Variants in SGCD observed in about 807,000 individuals in gnomAD.
The protein encoded by SGCD is sarcoglycan delta.
In SGCD, 18 loss-of-function variants were observed where a neutral mutation model predicts 36.6. The ratio of observed to expected loss-of-function variants is 0.49; its 90% CI spans 0.34 to 0.73. SGCD has a LOEUF of 0.73. Ranked by LOEUF, SGCD falls within the 30% of genes least tolerant of loss-of-function variation. The pLI is 0.01. For missense variants in SGCD, 387 were observed against 346.7 expected, an observed-to-expected ratio of 1.12 and a Z score of -0.92; for synonymous variants, 133 against 130.6, an observed-to-expected ratio of 1.02 and a Z score of -0.12.
chr5:156,525,728 C>G (rs1187778924), intron 4 of SGCD, among the ~76,000 whole-genome samples: 1 of 152,028 alleles, frequency 6.6e-6, no homozygotes, highest in Non-Finnish European at 1.5e-5. Context: ...ATGCTTAAGC[C>G]TTTAACCCAT....
chr5:156,326,607 G>C (rs935203178), upstream of SGCD: 1 of 152,198 alleles, frequency 6.6e-6, no homozygotes, highest in African/African-American at 2.4e-5. Context: ...TTTAGGAAGC[G>C]GCAGGTAGGG....
At chr5:156,610,031 T>G (rs1185442730) in intron 6 of SGCD, among the ~76,000 whole-genome samples, 1 of 152,362 alleles carries the variant, frequency 6.6e-6, no homozygotes, top group East Asian at 1.9e-4. Context: ...ATCTGAAGCC[T>G]TCTTCTCTCA....
intron 3 of SGCD, among the ~76,000 whole-genome samples, chr5:156,133,914 AACACACACACACACACACAC>A (rs70981997): frequency 7.1e-5 from 10 of 140,414 alleles, no homozygotes; most frequent in South Asian, 2.4e-4. Flanking sequence ...GCCGGGTTAA[AACACACACACACACACACAC>A]ACACACACAC....
intron 4 of SGCD, among the ~76,000 whole-genome samples, chr5:156,583,733 A>C (rs770024240): frequency 9.2e-5 from 14 of 152,234 alleles, no homozygotes; most frequent in Admixed American, 6.5e-5. Context: ...CAAAGATAAT[A>C]TGACATTGGT....
At position 156,594,982 on chromosome 5, in the gene SGCD, T is replaced by A; in HGVS notation, c.433T>A (p.Ser145Thr). ...TAAAAAATTTGAGGTAAAAACTGTT[T>A]CTGGAAAATTGCTCTTCTCTGCAGA... ...YGKKFEVKTV[S>T]GKLLFSADNN... The change falls in exon 6 of 9, where the codon TCT (serine) becomes ACT (threonine). Residue 145 changes from serine (S) to threonine (T), a missense_variant. Physicochemically the swap from Ser to Thr is moderately conservative, Grantham distance 58. Coordinates refer to ENST00000337851, the MANE Select transcript of SGCD (RefSeq NM_000337.6). 3.1e-6 allele frequency: 5 copies of A among 1,612,600 alleles called. No individual in the cohort carries two copies. Among genetic ancestry groups the A allele is most frequent in the Non-Finnish European group, 4.2e-6 (5 of 1,179,066 alleles).
At chr5:156,000,815 T>TATATATATATATATATA (rs200807025) in intron 1 of SGCD, among the ~76,000 whole-genome samples, 1 of 151,610 alleles carries the variant, frequency 6.6e-6, no homozygotes, top group African/African-American at 2.4e-5. Context: ...TATATATATA[T>TATATATATATATATATA]TTTTGCCCTC....
intron 7 of SGCD, among the ~76,000 whole-genome samples, chr5:156,684,074 A>G (rs1315556935): frequency 6.6e-6 from 1 of 152,208 alleles, no homozygotes; most frequent in Non-Finnish European, 1.5e-5. Context: ...ATGTGGTACT[A>G]AGTACAGGGC....
chr5:156,292,031 T>C (rs1228796859), intron 3 of SGCD, among the ~76,000 whole-genome samples: 1 of 152,130 alleles, frequency 6.6e-6, no homozygotes, highest in East Asian at 1.9e-4. Flanking sequence ...ACCACCATTC[T>C]ACTCTCTGCT....
rs192640413 is a variant in SGCD at position 155,944,849 on chromosome 5, A to T, written c.-282+74425A>T. 1.2e-3 allele frequency among the ~76,000 whole-genome samples: 185 copies of T among 152,268 alleles called. 1 individual carries two copies. The highest frequency in any genetic ancestry group is 4.3e-3 in the African/African-American group (180 of 41,554). ...AGCATATCTTTTTGAAGTTAGGCTAATCTTTAAATACATGATCTTTTGTCT... is the reference window on the plus strand; with the variant it reads ...AGCATATCTTTTTGAAGTTAGGCTATTCTTTAAATACATGATCTTTTGTCT... On this transcript the variant is annotated intron_variant, in intron 1 of 9. Coordinates refer to the SGCD transcript ENST00000517913.
chr5:156,376,963 T>C (rs1187083332), intron 3 of SGCD, among the ~76,000 whole-genome samples: 1 of 152,042 alleles, frequency 6.6e-6, no homozygotes, highest in Non-Finnish European at 1.5e-5. Flanking sequence ...AGAGCCAAAA[T>C]TAATCATCAA....
intron 7 of SGCD, among the ~76,000 whole-genome samples, chr5:156,684,879 C>G (rs1753849859): frequency 6.6e-6 from 1 of 151,942 alleles, no homozygotes; most frequent in African/African-American, 2.4e-5. Context: ...TTTGAAGTAG[C>G]AGAAAACCCA....
chr5:156,552,573 C>T (rs1408483752), intron 4 of SGCD, among the ~76,000 whole-genome samples: 2 of 152,140 alleles, frequency 1.3e-5, no homozygotes, highest in Non-Finnish European at 1.5e-5. Flanking sequence ...CTTGTACAAA[C>T]AAGTACCAAT....
At chr5:155,894,058 G>A (rs963818666) in intron 1 of SGCD, among the ~76,000 whole-genome samples, 1 of 152,198 alleles carries the variant, frequency 6.6e-6, no homozygotes, top group South Asian at 2.1e-4. Flanking sequence ...AAGCCTGGAA[G>A]TTGTTCTGGG....
In SGCD at chr5:156,076,791, G is replaced by C. The variant is rs138909655; in HGVS notation, c.-281-41087G>C. Among the ~76,000 whole-genome samples the C allele has an allele frequency of 6.7e-3, 1,025 of 152,276 alleles. 6 individuals carry two copies. The highest frequency in any genetic ancestry group is 0.023 in the African/African-American group (947 of 41,562). ...TTAGCTATGAAAGGATTAGAGAAAAGAGGCTGTGTTGTAGAGCTCCCAAAT... is the reference window on the plus strand; with the variant it reads ...TTAGCTATGAAAGGATTAGAGAAAACAGGCTGTGTTGTAGAGCTCCCAAAT... On this transcript the variant is annotated intron_variant, in intron 1 of 9. Transcript: ENST00000517913.
chr5:156,030,426 C>A (rs538762664), intron 1 of SGCD, among the ~76,000 whole-genome samples: 2 of 152,258 alleles, frequency 1.3e-5, no homozygotes, highest in South Asian at 4.2e-4. Flanking sequence ...ATGAGAGTGG[C>A]ATGTCTACAA....
chr5:156,161,824 C>A (rs1186627908), intron 3 of SGCD, among the ~76,000 whole-genome samples: 1 of 151,624 alleles, frequency 6.6e-6, no homozygotes, highest in Non-Finnish European at 1.5e-5. Context: ...CTTAATGTTT[C>A]TGAATATAGC....
chr5:156,227,609 A>G (rs112187300), intron 3 of SGCD, among the ~76,000 whole-genome samples: 72 of 152,026 alleles, frequency 4.7e-4, no homozygotes, highest in African/African-American at 1.7e-3. Context: ...TTCCATATGA[A>G]TTTTAGAATT....
intron 3 of SGCD, among the ~76,000 whole-genome samples, chr5:156,149,273 A>G (rs10055867): frequency 0.098 from 14,914 of 152,138 alleles, 1,480 homozygotes; most frequent in African/African-American, 0.26. Flanking sequence ...CCAATTATAC[A>G]CTTTGTTATT....
At chr5:156,252,922 A>T (rs1187722399) in intron 3 of SGCD, among the ~76,000 whole-genome samples, 1 of 152,348 alleles carries the variant, frequency 6.6e-6, no homozygotes, top group Non-Finnish European at 1.5e-5. Flanking sequence ...CTTATGAGGT[A>T]CTACCATTGA....
Sources: allele counts gnomAD v4.1 joint callset (sites outside exome capture counted in the v4.1 genomes callset), GRCh38; gene constraint gnomAD v4.1.1; transcripts MANE v1.5; gene names NCBI Gene and HGNC (gene_info 2026-07-23, HGNC 2026-07-21).